Variants in CSPP1 observed in about 807,000 individuals in gnomAD.
CSPP1 encodes centrosome and spindle pole associated protein 1, also known as centrosome and spindle pole-associated protein 1.
A neutral mutation model predicts 164.4 loss-of-function variants in CSPP1; 126 were observed. That is an observed-to-expected ratio of 0.77 (90% CI 0.66 to 0.89). CSPP1 has a LOEUF of 0.89. Among genes scored for constraint, CSPP1 ranks in the 40% least tolerant of loss-of-function variants. The pLI, the probability that CSPP1 is intolerant of heterozygous loss-of-function variation, is 0.00. For missense variants in CSPP1, 1,395 were observed against 1,449.8 expected, an observed-to-expected ratio of 0.96 and a Z score of 0.61; for synonymous variants, 472 against 476.7, an observed-to-expected ratio of 0.99 and a Z score of 0.13.
intron 6 of CSPP1, among the ~76,000 whole-genome samples, chr8:67,094,729 T>C (rs1266377906): frequency 6.6e-6 from 1 of 152,144 alleles, no homozygotes; most frequent in African/African-American, 2.4e-5. Context: ...CACAATTTGA[T>C]GGGTTTTAGA....
intron 7 of CSPP1, among the ~76,000 whole-genome samples, chr8:67,098,050 C>CA (rs200094346): frequency 0.11 from 12,676 of 119,998 alleles, 1,066 homozygotes; most frequent in African/African-American, 0.26. Flanking sequence ...TTATTTCCAG[C>CA]AAAAAAAAAA....
chr8:67,125,055 A>C (rs954734174), intron 15 of CSPP1, among the ~76,000 whole-genome samples: 1 of 152,022 alleles, frequency 6.6e-6, no homozygotes, highest in African/African-American at 2.4e-5. Flanking sequence ...TTGCCCATGT[A>C]ATTATCTTTA....
In CSPP1 at chr8:67,158,396, TC is replaced by T. The variant is rs777790999; in HGVS notation, c.2242-50del. ...CTATCAGGAAAAAAATAAGTGATAT[TC>T]TAACTTTTCAATAGTTTTACAAGAT... On this transcript the variant is annotated intron_variant, in intron 19 of 30. Coordinates refer to ENST00000678616, the MANE Select transcript of CSPP1 (RefSeq NM_001382391.1). The T allele has an allele frequency of 1.1e-5, 16 of 1,484,556 alleles. No homozygotes were observed. The Admixed American group carries it at 2.1e-4, about 20-fold the overall frequency. 92.0% of individuals were successfully genotyped at this position (1,484,556 alleles called of 1,614,324 possible). A position where few individuals can be genotyped will look rare whatever the true frequency, so the allele number is the denominator to read the frequency against.
chr8:67,069,091 C>G (rs1225141468), intron 1 of CSPP1: 2 of 152,234 alleles, frequency 1.3e-5, no homozygotes, highest in African/African-American at 4.8e-5. Context: ...TTTTCCAATA[C>G]CCTCTTACCA....
At chr8:67,134,541 T>G (rs952011626) in intron 16 of CSPP1, 1 of 151,372 alleles carries the variant, frequency 6.6e-6, no homozygotes, top group African/African-American at 2.4e-5. Flanking sequence ...TAGAGTAGAT[T>G]TAGCATCATC....
chr8:67,120,316 T>C (rs1162669068), intron 15 of CSPP1, among the ~76,000 whole-genome samples: 1 of 152,192 alleles, frequency 6.6e-6, no homozygotes, highest in African/African-American at 2.4e-5. Flanking sequence ...TACAGCTTTG[T>C]TCTTTTTCAA....
intron 17 of CSPP1, among the ~76,000 whole-genome samples, chr8:67,139,516 A>T (rs62513087): frequency 1.2e-4 from 18 of 152,106 alleles, no homozygotes; most frequent in Admixed American, 2.0e-4. Context: ...GGATTATAAA[A>T]CATGCTGCTA....
chr8:67,171,256 C>T (rs1340177684), intron 24 of CSPP1, among the ~76,000 whole-genome samples: 1 of 151,384 alleles, frequency 6.6e-6, no homozygotes, highest in Non-Finnish European at 1.5e-5. Flanking sequence ...GAAAAATCAG[C>T]TGGGCCTAGT....
chr8:67,098,588 GTTGT>G (rs1298788738), intron 7 of CSPP1, among the ~76,000 whole-genome samples: 8 of 151,262 alleles, frequency 5.3e-5, no homozygotes, highest in Non-Finnish European at 3.0e-5. Flanking sequence ...GTGTATGTGT[GTTGT>G]TTATTTATGC....
intron 16 of CSPP1, chr8:67,135,485 G>C (rs1822072562): frequency 6.6e-6 from 1 of 152,116 alleles, no homozygotes. Context: ...AGAGATGGCA[G>C]CTTTCCCTCA....
rs1311981325 is a variant in CSPP1 at position 67,159,928 on chromosome 8, TCCTTC to T, written c.2538+793_2538+797del. Reference sequence around the variant, plus strand: ...TCTTTCTTTCTTTCTTTCTTTCCTTTCCTTCCTTCCTTCCTTCCTTCCTTCCTTCT... The same window carrying T: ...TCTTTCTTTCTTTCTTTCTTTCCTTTCTTCCTTCCTTCCTTCCTTCCTTCT... On this transcript the variant is annotated intron_variant, in intron 21 of 30. Coordinates refer to ENST00000678616, the MANE Select transcript of CSPP1 (RefSeq NM_001382391.1). Among the ~76,000 whole-genome samples the T allele has an allele frequency of 1.0e-4, 6 of 58,392 alleles. 2 individuals are homozygous for T. Among genetic ancestry groups the T allele is most frequent in the South Asian group, 6.4e-4 (1 of 1,552 alleles). 38.3% of individuals were successfully genotyped at this position (58,392 alleles called of 152,430 possible). A position where few individuals can be genotyped will look rare whatever the true frequency, so the allele number is the denominator to read the frequency against.
rs775319498 is a variant in CSPP1, at chr8:67,118,314, T to A, written c.1563T>A (p.Asp521Glu). 7.4e-6 allele frequency: 12 copies of A among 1,613,530 alleles called. No homozygotes were observed. Among genetic ancestry groups the A allele is most frequent in the Non-Finnish European group, 1.0e-5 (12 of 1,179,484 alleles). Residue 521 changes from aspartate (D) to glutamate (E), a missense_variant, in exon 14 of 31, where the codon GAT (aspartate) becomes GAA (glutamate). Transcript: ENST00000678616. ...PLATNYRTPY[D>E]DAYYFYGSRN... ...CTACTAACTATCGAACTCCTTATGA[T>A]GATGCATACTATTTTTATGGGTCCA...
At chr8:67,085,447 T>C (rs995410414) in intron 3 of CSPP1, among the ~76,000 whole-genome samples, 1 of 152,016 alleles carries the variant, frequency 6.6e-6, no homozygotes, top group South Asian at 2.1e-4. Flanking sequence ...CATGTTATAT[T>C]AAAGATATTC....
chr8:67,159,509 C>CTTTTTTTT (rs1172369424), intron 21 of CSPP1, among the ~76,000 whole-genome samples: 3 of 48,912 alleles, frequency 6.1e-5, no homozygotes, highest in Admixed American at 2.5e-4. Context: ...TATATGTATT[C>CTTTTTTTT]TTTTTTTTTT....
At chr8:67,102,990 G>T in intron 7 of CSPP1, 47 bp from the exon 8 acceptor site, 1 of 1,064,758 alleles carries the variant, frequency 9.4e-7, no homozygotes, top group South Asian at 1.3e-5. Flanking sequence ...GTTATAAGAA[G>T]GTCCACTGTA....
intron 28 of CSPP1, among the ~76,000 whole-genome samples, chr8:67,183,656 GTCTT>G (rs965169254): frequency 4.6e-5 from 7 of 152,064 alleles, no homozygotes; most frequent in Admixed American, 6.5e-5. Context: ...AATAATGCTT[GTCTT>G]TCTTTCTACT....
chr8:67,087,650 A>G (rs569607219), intron 4 of CSPP1, among the ~76,000 whole-genome samples: 1 of 152,344 alleles, frequency 6.6e-6, no homozygotes, highest in South Asian at 2.1e-4. Flanking sequence ...TGTATGAATG[A>G]GGCATATTAG....
At chr8:67,084,749 A>AG (rs1563512155) in intron 3 of CSPP1, among the ~76,000 whole-genome samples, 1 of 148,756 alleles carries the variant, frequency 6.7e-6, no homozygotes, top group African/African-American at 2.5e-5. Context: ...AAGAGAGAGA[A>AG]AAAAAAAAAA....
chr8:67,159,919 T>TCTTCCTTTC (rs1827697390), intron 21 of CSPP1, among the ~76,000 whole-genome samples: 2 of 59,336 alleles, frequency 3.4e-5, no homozygotes, highest in East Asian at 4.6e-4. Context: ...TTTCTTTCTT[T>TCTTCCTTTC]CTTTCCTTTC....
Sources: gnomAD v4.1 joint callset for allele counts (sites outside exome capture counted in the v4.1 genomes callset) on GRCh38, gnomAD v4.1.1 for gene constraint, MANE v1.5 for transcripts, NCBI Gene and HGNC (gene_info 2026-07-23, HGNC 2026-07-21) for gene names.